Variants in ATP11A observed in about 807,000 individuals in gnomAD.
ATP11A encodes the protein ATPase phospholipid transporting 11A.
A neutral mutation model predicts 154.4 loss-of-function variants in ATP11A; 81 were observed. The observed-to-expected ratio is 0.52, with a 90% CI of 0.44 to 0.63. ATP11A has a LOEUF of 0.63. Among genes scored for constraint, ATP11A ranks in the 30% least tolerant of loss-of-function variants. The probability of loss-of-function intolerance (pLI) is 0.00; values close to 1 mark genes in which losing one functional copy is unlikely to be tolerated. For missense variants in ATP11A, 1,316 were observed against 1,474.3 expected, an observed-to-expected ratio of 0.89 and a Z score of 1.76; for synonymous variants, 623 against 585.9, an observed-to-expected ratio of 1.06 and a Z score of -0.91.
chr13:112,836,138 A>G (rs1404389819), intron 15 of ATP11A, 40 bp from the exon 16 acceptor site: 5 of 1,460,450 alleles, frequency 3.4e-6, no homozygotes, highest in African/African-American at 2.8e-5. Context: ...TCACGTGAGC[A>G]CCCGTGTGGA....
chr13:112,858,278 C>T lies in ATP11A; in HGVS notation c.2655C>T (p.Tyr885=). 11 of 1,613,018 alleles carry T rather than the reference C, an allele frequency of 6.8e-6. No homozygotes were observed. The highest frequency in any genetic ancestry group is 2.2e-5 in the East Asian group (1 of 44,868). The stretch of plus-strand genomic sequence containing the variant: ...TTAGGATCTCTGAGCTCGTGCAGTA[C>T]TTCTTCTATAAGGTAGGAGGGTCGC... The part of the protein sequence containing the change: ...YYIRISELVQ[Y]FFYKNVCFIF... Residue 885 remains tyrosine, a synonymous_variant, in exon 22 of 30, where the codon TAC becomes TAT. Coordinates refer to ENST00000375645, the MANE Select transcript of ATP11A (RefSeq NM_015205.3).
At chr13:112,860,148 C>G in intron 23 of ATP11A, 139 bp from the exon 24 acceptor site, 5 of 914,742 alleles carry the variant, frequency 5.5e-6, no homozygotes, top group Non-Finnish European at 8.1e-6. Flanking sequence ...ATATCACAGA[C>G]CCTAGTTTAT....
rs1351857438 is a variant in ATP11A at position 112,765,476 on chromosome 13, C to T, written c.40-19659C>T. On this transcript the variant is annotated intron_variant, in intron 1 of 29. Transcript: ENST00000375645. ...CGGCCCCGTTTCCTTGTCCACTCCA[C>T]GTTCTTCTGAGCGTGTCTCTGGGAC... Among the ~76,000 whole-genome samples, 36 of 152,242 alleles carry T rather than the reference C, an allele frequency of 2.4e-4. 1 individual carries two copies. Among genetic ancestry groups the T allele is most frequent in the Admixed American group, 2.2e-3 (34 of 15,286 alleles).
In ATP11A at chr13:112,838,923, G is replaced by A. The variant is rs933142491; in HGVS notation, c.1705+2672G>A. ...TCTCCCTGCTGGGCGGGGAGACCCTGCAGCCAGCTCACAGCTCGTGTTTCC... is the reference window on the plus strand; with the variant it reads ...TCTCCCTGCTGGGCGGGGAGACCCTACAGCCAGCTCACAGCTCGTGTTTCC... On this transcript the variant is annotated intron_variant, in intron 16 of 29. Coordinates refer to ENST00000375645, the MANE Select transcript of ATP11A (RefSeq NM_015205.3). This position sits in a 1 kb window ranked among gnomAD's most constrained non-coding sequence, Gnocchi z 7.3. Among the ~76,000 whole-genome samples, 14 of 152,214 alleles carry A rather than the reference G, an allele frequency of 9.2e-5. No individual in the cohort carries two copies. Among genetic ancestry groups the A allele is most frequent in the Non-Finnish European group, 1.2e-4 (8 of 68,032 alleles).
At chr13:112,695,896 T>C (rs1211654543) in intron 1 of ATP11A, among the ~76,000 whole-genome samples, 3 of 152,196 alleles carry the variant, frequency 2.0e-5, no homozygotes, top group African/African-American at 7.2e-5. Context: ...TAAAAATCAA[T>C]AGCAAGCAAG....
At chr13:112,835,561 C>A (rs1275287199) in intron 15 of ATP11A, among the ~76,000 whole-genome samples, 1 of 152,172 alleles carries the variant, frequency 6.6e-6, no homozygotes, top group Admixed American at 6.5e-5. Flanking sequence ...TAGATGAGAG[C>A]CCCCATCAGG....
chr13:112,833,772 A>G (rs561402782), intron 14 of ATP11A, among the ~76,000 whole-genome samples: 81 of 152,202 alleles, frequency 5.3e-4, no homozygotes, highest in Non-Finnish European at 8.8e-4. Flanking sequence ...TGCGTAGGTG[A>G]GGCTTCTTGG....
intron 15 of ATP11A, 91 bp downstream of exon 15, chr13:112,834,751 C>A: frequency 9.8e-7 from 1 of 1,019,502 alleles, no homozygotes; most frequent in Non-Finnish European, 1.5e-6. Flanking sequence ...AAGACAAGTT[C>A]TCTATGTTCT....
chr13:112,880,838 T>C (rs568003241), intron 29 of ATP11A: 2 of 1,127,002 alleles, frequency 1.8e-6, no homozygotes, highest in South Asian at 1.9e-5. Flanking sequence ...TGACCACACA[T>C]GGAACATGCT....
intron 6 of ATP11A, among the ~76,000 whole-genome samples, chr13:112,817,110 T>C (rs898880553): frequency 2.6e-5 from 4 of 152,236 alleles, no homozygotes; most frequent in African/African-American, 7.2e-5. Flanking sequence ...AGAAAAGATA[T>C]AGCACCATTA....
chr13:112,798,434 G>A (rs780920981), intron 2 of ATP11A, among the ~76,000 whole-genome samples: 1 of 152,140 alleles, frequency 6.6e-6, no homozygotes, highest in South Asian at 2.1e-4. Context: ...CTTGCTTTTC[G>A]TGTTCTTAAT....
At chr13:112,825,316 A>C in intron 10 of ATP11A, 114 bp from the exon 11 acceptor site, 1 of 1,232,774 alleles carries the variant, frequency 8.1e-7, no homozygotes, top group South Asian at 1.5e-5. Context: ...CGAACACATC[A>C]CTGTGCCCTT....
intron 1 of ATP11A, among the ~76,000 whole-genome samples, chr13:112,761,764 C>T (rs1007456887): frequency 6.6e-6 from 1 of 152,228 alleles, no homozygotes; most frequent in African/African-American, 2.4e-5. Context: ...GCTGCACCCA[C>T]ACCATTGCAC....
At chr13:112,722,027 C>T (rs981611020) in intron 1 of ATP11A, among the ~76,000 whole-genome samples, 14 of 152,084 alleles carry the variant, frequency 9.2e-5, no homozygotes, top group East Asian at 1.9e-4. Context: ...ATCTGAAGGA[C>T]GCTACAGTTT....
At chr13:112,714,187 C>A (rs145635683) in intron 1 of ATP11A, among the ~76,000 whole-genome samples, 1 of 150,796 alleles carries the variant, frequency 6.6e-6, no homozygotes, top group Non-Finnish European at 1.5e-5. Context: ...TACTGGAATT[C>A]CACTCCTCCC....
chr13:112,756,367 C>A (rs892604534), intron 1 of ATP11A, among the ~76,000 whole-genome samples: 2 of 152,172 alleles, frequency 1.3e-5, no homozygotes, highest in African/African-American at 4.8e-5. Context: ...TCTCTAGACC[C>A]TGCAGGCCAC....
intron 1 of ATP11A, among the ~76,000 whole-genome samples, chr13:112,743,682 T>A (rs371171453): frequency 9.9e-5 from 15 of 152,270 alleles, no homozygotes; most frequent in African/African-American, 3.4e-4. Context: ...GTGTTGTAGG[T>A]TCCTGCTAGA....
intron 7 of ATP11A, 123 bp from the exon 8 acceptor site, chr13:112,819,777 T>G (rs575746091): frequency 1.0e-6 from 1 of 996,534 alleles, no homozygotes; most frequent in East Asian, 2.5e-5. Flanking sequence ...CGGGGCTGCT[T>G]TAGCCGCACA....
intron 18 of ATP11A, among the ~76,000 whole-genome samples, chr13:112,852,722 G>A (rs975261226): frequency 2.5e-4 from 38 of 151,018 alleles, no homozygotes; most frequent in African/African-American, 7.4e-4. Flanking sequence ...CCCCTGGGGC[G>A]GGGGGCAGGT....
Sources: allele counts gnomAD v4.1 joint callset (sites outside exome capture counted in the v4.1 genomes callset), GRCh38; gene constraint gnomAD v4.1.1; non-coding constraint Gnocchi (gnomAD v3.1); transcripts MANE v1.5; gene names NCBI Gene and HGNC (gene_info 2026-07-23, HGNC 2026-07-21).